The following GPSM2 variants were observed in gnomAD, a reference collection of about 807,000 sequenced individuals.
GPSM2 encodes G protein-signaling modulator 2.
In GPSM2, 58 loss-of-function variants were observed where a neutral mutation model predicts 78.4. The observed-to-expected ratio is 0.74, with a 90% CI of 0.60 to 0.92. The LOEUF is 0.92. Among genes scored for constraint, GPSM2 ranks in the 40% least tolerant of loss-of-function variants. The pLI is 0.00. For missense variants in GPSM2, 700 were observed against 815.5 expected, an observed-to-expected ratio of 0.86 and a Z score of 1.73; for synonymous variants, 224 against 280.2, an observed-to-expected ratio of 0.80 and a Z score of 2.00.
intron 2 of GPSM2, among the ~76,000 whole-genome samples, chr1:108,894,514 A>G (rs1314227705): frequency 6.6e-6 from 1 of 152,234 alleles, no homozygotes; most frequent in African/African-American, 2.4e-5. Flanking sequence ...CCTGGCCAAC[A>G]TGGCAAAACC....
At chr1:108,885,977 G>T (rs569414445) in intron 2 of GPSM2, among the ~76,000 whole-genome samples, 6 of 151,966 alleles carry the variant, frequency 3.9e-5, no homozygotes, top group South Asian at 2.1e-4. Flanking sequence ...TTTTATTTTT[G>T]ATTTATTTTT....
Position 108,929,952 on chromosome 1 carries a change from TTA to T in GPSM2, c.*14_*15del. 6 of 1,610,352 alleles carry T rather than the reference TTA, an allele frequency of 3.7e-6. No homozygotes were observed. The African/African-American group carries it at 6.7e-5, about 18-fold the overall frequency. Reference sequence around the variant, plus strand: ...CGGCAGACCATTAGTTACTATGGATTTATTTTTTTTCCTTTCAAACACGGTAA... The same window carrying T: ...CGGCAGACCATTAGTTACTATGGATTTTTTTTTTCCTTTCAAACACGGTAA... On this transcript the variant is annotated 3_prime_UTR_variant, in exon 15 of 15. Coordinates refer to ENST00000264126, the MANE Select transcript of GPSM2 (RefSeq NM_013296.5).
chr1:108,878,520 G>C (rs1665742206), intron 1 of GPSM2, among the ~76,000 whole-genome samples: 1 of 152,060 alleles, frequency 6.6e-6, no homozygotes, highest in African/African-American at 2.4e-5. Flanking sequence ...ATATAGATCT[G>C]AGACTTGCTT....
intron 11 of GPSM2, among the ~76,000 whole-genome samples, chr1:108,916,260 GA>G (rs199744756): frequency 7.1e-4 from 95 of 134,018 alleles, no homozygotes; most frequent in South Asian, 1.7e-3. Context: ...CCCTGTCTCT[GA>G]AAAAAAAAAA....
At position 108,897,062 on chromosome 1, in the gene GPSM2, C is replaced by T; in HGVS notation, c.255C>T (p.His85=). The part of the protein sequence containing the change: ...LHDYAKALEY[H]HHDLTLARTI... ...ATTATGCCAAAGCATTAGAATATCA[C>T]CATCATGATTTAACCCTTGCAAGGT... The change falls in exon 3 of 15, where the codon CAC becomes CAT. Residue 85 remains histidine, a synonymous_variant. Coordinates refer to ENST00000264126, the MANE Select transcript of GPSM2 (RefSeq NM_013296.5). 5 of 1,607,790 alleles carry T rather than the reference C, an allele frequency of 3.1e-6. No homozygotes were observed. The highest frequency in any genetic ancestry group is 1.1e-5 in the South Asian group (1 of 90,926).
chr1:108,889,624 G>A (rs1346028926), intron 2 of GPSM2, among the ~76,000 whole-genome samples: 1 of 152,092 alleles, frequency 6.6e-6, no homozygotes, highest in Non-Finnish European at 1.5e-5. Flanking sequence ...AATTAGATGG[G>A]GAGGAAAGTC....
intron 14 of GPSM2, among the ~76,000 whole-genome samples, chr1:108,924,898 C>T (rs1019669792): frequency 6.6e-6 from 1 of 152,094 alleles, no homozygotes; most frequent in African/African-American, 2.4e-5. Flanking sequence ...AGGATCCTGG[C>T]TACTGATGGA....
intron 2 of GPSM2, among the ~76,000 whole-genome samples, chr1:108,887,095 C>A (rs565137133): frequency 6.6e-6 from 1 of 152,152 alleles, no homozygotes; most frequent in South Asian, 2.1e-4. Flanking sequence ...GCCATATTGA[C>A]CAGGCTGGTC....
chr1:108,888,161 C>T (rs1647709370), intron 2 of GPSM2, among the ~76,000 whole-genome samples: 1 of 152,192 alleles, frequency 6.6e-6, no homozygotes, highest in Non-Finnish European at 1.5e-5. Context: ...AAGCAGTGCT[C>T]CTGCCTCAGC....
rs749849978 is a variant in GPSM2, at chr1:108,922,557, C to T, written c.1581C>T (p.Pro527=). 4 of 1,612,316 alleles carry T rather than the reference C, an allele frequency of 2.5e-6. No homozygotes were observed. Among genetic ancestry groups the T allele is most frequent in the East Asian group, 2.2e-5 (1 of 44,818 alleles). The change falls in exon 13 of 15, where the codon CCC becomes CCT. Residue 527 remains proline (P), a synonymous_variant. Coordinates refer to ENST00000264126, the MANE Select transcript of GPSM2 (RefSeq NM_013296.5). ...HTASTTTSST[P]PKMMLKTSSV... is the part of the protein sequence containing the mutation. ...CTTCAACAACAACTTCTTCCACTCC[C>T]CCTAAAATGATGCTAAAAAGTAAGT...
intron 8 of GPSM2, among the ~76,000 whole-genome samples, chr1:108,902,533 G>GT (rs1648904706): frequency 6.6e-6 from 1 of 152,104 alleles, no homozygotes; most frequent in African/African-American, 2.4e-5. Context: ...ACATCTTCCT[G>GT]TTTTTTAAAG....
intron 2 of GPSM2, 99 bp from the exon 3 acceptor site, chr1:108,896,765 G>C (rs774829298): frequency 1.9e-4 from 178 of 934,202 alleles, no homozygotes; most frequent in Non-Finnish European, 2.9e-4. Flanking sequence ...CAGCTGCCCT[G>C]AACAAGAGTA....
At chr1:108,889,790 G>A (rs763476554) in intron 2 of GPSM2, among the ~76,000 whole-genome samples, 3 of 151,494 alleles carry the variant, frequency 2.0e-5, no homozygotes, top group African/African-American at 2.4e-5. Flanking sequence ...AGAGCTAACC[G>A]TGCAACCTCT....
chr1:108,909,000 A>G (rs1649493603), intron 10 of GPSM2, among the ~76,000 whole-genome samples: 1 of 151,974 alleles, frequency 6.6e-6, no homozygotes, highest in South Asian at 2.1e-4. Context: ...TTAGCCATGC[A>G]TGGTAGCATG....
intron 12 of GPSM2, among the ~76,000 whole-genome samples, chr1:108,920,413 G>C (rs1013851058): frequency 6.6e-6 from 1 of 151,916 alleles, no homozygotes; most frequent in Non-Finnish European, 1.5e-5. Flanking sequence ...AGGTTGCAGC[G>C]AGCCGAGATC....
At chr1:108,924,283 A>G in intron 14 of GPSM2, 69 bp downstream of exon 14, 1 of 962,180 alleles carries the variant, frequency 1.0e-6, no homozygotes, top group Non-Finnish European at 1.7e-6. Flanking sequence ...TAGTGTTATA[A>G]TTCTCATTCA....
chr1:108,893,071 G>C (rs748740916), intron 2 of GPSM2, among the ~76,000 whole-genome samples: 1 of 152,146 alleles, frequency 6.6e-6, no homozygotes, highest in Non-Finnish European at 1.5e-5. Flanking sequence ...TTTTAAAAAC[G>C]TGTAACACTT....
chr1:108,922,676 A>T (rs929273273), intron 13 of GPSM2, 100 bp downstream of exon 13: 4 of 1,006,936 alleles, frequency 4.0e-6, no homozygotes, highest in Non-Finnish European at 6.3e-6. Context: ...GATATAATAA[A>T]TGAGCCTGAA....
At chr1:108,894,266 T>C (rs879905658) in intron 2 of GPSM2, among the ~76,000 whole-genome samples, 5 of 152,230 alleles carry the variant, frequency 3.3e-5, no homozygotes, top group Non-Finnish European at 7.3e-5. Flanking sequence ...AACATAAATA[T>C]AGCTGTTTAA....
Sources: gnomAD v4.1 joint callset for allele counts (sites outside exome capture counted in the v4.1 genomes callset) on GRCh38, gnomAD v4.1.1 for gene constraint, MANE v1.5 for transcripts, NCBI Gene and HGNC (gene_info 2026-07-23, HGNC 2026-07-21) for gene names.